LIN28B: variants seen among roughly 807,000 people sequenced by gnomAD.
LIN28B encodes the protein lin-28 RNA binding posttranscriptional regulator B, also known as protein lin-28 homolog B.
LIN28B carries 5 observed loss-of-function variants against 21.9 expected under a neutral mutation model. That is an observed-to-expected ratio of 0.23 (90% CI 0.12 to 0.48). LIN28B has a LOEUF of 0.48. Among genes scored for constraint, LIN28B ranks in the 20% least tolerant of loss-of-function variants. The pLI is 0.98. For missense variants in LIN28B, 245 were observed against 310.5 expected (o/e 0.79, Z 1.58); for synonymous variants, 109 against 111.3 (o/e 0.98, Z 0.13).
At chr6:104,959,243 A>T (rs530393225) in intron 2 of LIN28B, among the ~76,000 whole-genome samples, 28 of 152,346 alleles carry the variant, frequency 1.8e-4, no homozygotes, top group Admixed American at 2.6e-4. Context: ...TGTAGTTAGA[A>T]ATAAAGAGGT....
intron 3 of LIN28B, among the ~76,000 whole-genome samples, chr6:105,044,302 C>G (rs1771699419): frequency 6.6e-6 from 1 of 152,152 alleles, no homozygotes; most frequent in African/African-American, 2.4e-5. Flanking sequence ...TTGTCCTACT[C>G]TTTCTTCCGC....
chr6:105,024,520 T>G (rs1771246856), intron 2 of LIN28B, among the ~76,000 whole-genome samples: 1 of 152,198 alleles, frequency 6.6e-6, no homozygotes, highest in African/African-American at 2.4e-5. Flanking sequence ...GAGAAGATGC[T>G]TTAGAAATGT....
At chr6:105,053,714 CGTGTGTGTGTGTGT>C (rs59369365) in intron 3 of LIN28B, among the ~76,000 whole-genome samples, 2 of 147,388 alleles carry the variant, frequency 1.4e-5, no homozygotes, top group East Asian at 2.0e-4. Flanking sequence ...TGTGTGGGTG[CGTGTGTGTGTGTGT>C]GTGTGTGTGT....
chr6:104,948,268 G>A (rs1243080458), intron 2 of LIN28B, among the ~76,000 whole-genome samples: 1 of 151,716 alleles, frequency 6.6e-6, no homozygotes, highest in Non-Finnish European at 1.5e-5. Context: ...GGAGTTCGAG[G>A]CCAGCCTGGC....
At chr6:105,027,657 C>T (rs914763997) in intron 3 of LIN28B, among the ~76,000 whole-genome samples, 1 of 151,930 alleles carries the variant, frequency 6.6e-6, no homozygotes, top group African/African-American at 2.4e-5. Flanking sequence ...AAGTCTGTGA[C>T]TCTCCTTGAT....
intron 3 of LIN28B, among the ~76,000 whole-genome samples, chr6:105,041,077 A>T (rs1404754674): frequency 1.4e-5 from 2 of 140,772 alleles, no homozygotes; most frequent in South Asian, 2.3e-4. Flanking sequence ...ACAACCAATA[A>T]TTTTTTTTTT....
chr6:104,956,114 C>T (rs1778285555), upstream of LIN28B, among the ~76,000 whole-genome samples: 2 of 152,104 alleles, frequency 1.3e-5, no homozygotes, highest in Middle Eastern at 3.4e-3. Context: ...TTTTCTCCCA[C>T]TTGTCCTTCT....
chr6:105,074,232 C>T (rs1274512372), intron 3 of LIN28B, among the ~76,000 whole-genome samples: 4 of 152,170 alleles, frequency 2.6e-5, no homozygotes, highest in Admixed American at 6.5e-5. Context: ...GAGTCTCGCT[C>T]TGTCGCCCAG....
rs758199062 is a variant in LIN28B, at chr6:105,026,392, G to A, written c.293G>A (p.Arg98Gln). 3 of 1,610,622 alleles carry A rather than the reference G, an allele frequency of 1.9e-6. No individual in the cohort carries two copies. In the South Asian group the frequency reaches 3.3e-5, roughly 18 times the overall value. The change falls in exon 3 of 4, where the codon CGG (arginine) becomes CAG (glutamine). Residue 98 changes from arginine to glutamine, a missense_variant. Physicochemically the swap from Arg to Gln is conservative, Grantham distance 43. Transcript: ENST00000345080. ...KKSSKGLESI[R>Q]VTGPGGSPCL... ...TCTTCCAAAGGCCTTGAGTCAATAC[G>A]GGTAACAGGACCTGGTGGGAGCCCC...
At chr6:105,038,771 AAAC>A (rs1208543095) in intron 3 of LIN28B, among the ~76,000 whole-genome samples, 5 of 152,238 alleles carry the variant, frequency 3.3e-5, no homozygotes, top group Non-Finnish European at 5.9e-5. Context: ...CAAAAAGAAA[AAAC>A]AAAGCCTGAC....
At chr6:105,020,845 T>G (rs1376406361) in intron 2 of LIN28B, among the ~76,000 whole-genome samples, 2 of 149,238 alleles carry the variant, frequency 1.3e-5, no homozygotes, top group African/African-American at 4.9e-5. Context: ...CTACTCCTCC[T>G]GGGTTCACGC....
At chr6:104,937,365 C>T (rs531789199) in intron 2 of LIN28B, among the ~76,000 whole-genome samples, 3 of 152,182 alleles carry the variant, frequency 2.0e-5, no homozygotes, top group Non-Finnish European at 4.4e-5. Context: ...TCTCGGCTCG[C>T]TGCAACCTCC....
At chr6:105,013,698 G>A (rs1300761890) in intron 2 of LIN28B, among the ~76,000 whole-genome samples, 1 of 148,830 alleles carries the variant, frequency 6.7e-6, no homozygotes, top group East Asian at 2.0e-4. Flanking sequence ...ACTTCAGCCT[G>A]GGCCATAGCA....
chr6:105,003,227 T>C (rs1198637952), intron 2 of LIN28B, among the ~76,000 whole-genome samples: 2 of 152,194 alleles, frequency 1.3e-5, no homozygotes, highest in African/African-American at 4.8e-5. Context: ...AAAATCATTT[T>C]ACGATAGAGA....
chr6:105,069,931 A>G (rs1039953197), intron 3 of LIN28B, among the ~76,000 whole-genome samples: 1 of 151,888 alleles, frequency 6.6e-6, no homozygotes, highest in Non-Finnish European at 1.5e-5. Context: ...ATATATACAC[A>G]CACTTCTTCC....
intron 2 of LIN28B, among the ~76,000 whole-genome samples, chr6:105,020,107 C>CTTTTTTTTTTTT (rs1158938023): frequency 2.3e-5 from 2 of 87,610 alleles, no homozygotes; most frequent in Admixed American, 1.3e-4. Context: ...TCCTGTTATT[C>CTTTTTTTTTTTT]TTTTTTTTTT....
intron 3 of LIN28B, among the ~76,000 whole-genome samples, chr6:105,031,564 G>A (rs1202369269): frequency 6.9e-6 from 1 of 145,112 alleles, no homozygotes; most frequent in Non-Finnish European, 1.5e-5. Flanking sequence ...AATGGAGTCT[G>A]GCTCCATCGC....
intron 2 of LIN28B, among the ~76,000 whole-genome samples, chr6:105,010,829 A>T (rs1352363374): frequency 3.3e-5 from 5 of 152,150 alleles, no homozygotes. Flanking sequence ...ACATTATCTC[A>T]TTCCAGAAAG....
chr6:105,058,362 G>A (rs1031484298), intron 3 of LIN28B, among the ~76,000 whole-genome samples: 2 of 152,170 alleles, frequency 1.3e-5, no homozygotes, highest in Admixed American at 6.5e-5. Flanking sequence ...TACATTCTGA[G>A]TATAGTTTTG....
Sources: gnomAD v4.1 joint callset for allele counts (sites outside exome capture counted in the v4.1 genomes callset) on GRCh38, gnomAD v4.1.1 for gene constraint, MANE v1.5 for transcripts, NCBI Gene and HGNC (gene_info 2026-07-23, HGNC 2026-07-21) for gene names.